Variants in MAPK6 observed in about 807,000 individuals in gnomAD.
MAPK6 encodes mitogen-activated protein kinase 6, also known as ERK-3.
A neutral mutation model predicts 59.3 loss-of-function variants in MAPK6; 19 were observed. The observed-to-expected ratio is 0.32, with a 90% CI of 0.22 to 0.47. The LOEUF is 0.47. Among genes scored for constraint, MAPK6 ranks in the 20% least tolerant of loss-of-function variants. The pLI is 1.00. For synonymous variants in MAPK6, 316 were observed against 290.3 expected (o/e 1.09, Z -0.90); for missense variants, 724 against 847.9 (o/e 0.85, Z 1.81).
At chr15:52,059,507 C>G (rs1166791057) in intron 4 of MAPK6, among the ~76,000 whole-genome samples, 1 of 152,124 alleles carries the variant, frequency 6.6e-6, no homozygotes, top group Non-Finnish European at 1.5e-5. Context: ...TCTGCATACC[C>G]TCTCTAAGGT....
At chr15:52,013,165 A>G (rs2030141354) in intron 3 of MAPK6, among the ~76,000 whole-genome samples, 3 of 149,522 alleles carry the variant, frequency 2.0e-5, no homozygotes, top group Non-Finnish European at 4.4e-5. Context: ...CTATAATCTA[A>G]ACCCACATCA....
intron 2 of MAPK6, chr15:52,004,123 G>A (rs961664965): frequency 6.6e-6 from 1 of 152,180 alleles, no homozygotes; most frequent in Non-Finnish European, 1.5e-5. Flanking sequence ...GTCTCATACT[G>A]GGATGAAGAT....
At chr15:51,976,841 A>G (rs746874937) in intron 1 of MAPK6, among the ~76,000 whole-genome samples, 3 of 151,506 alleles carry the variant, frequency 2.0e-5, no homozygotes, top group African/African-American at 4.8e-5. Context: ...CTACTCAGGA[A>G]GCTGAAGCAG....
chr15:51,999,079 T>C (rs890728829), intron 2 of MAPK6, among the ~76,000 whole-genome samples: 3 of 150,752 alleles, frequency 2.0e-5, no homozygotes, highest in Non-Finnish European at 4.4e-5. Context: ...CACTGCCGCC[T>C]CCACCTCCCG....
chr15:52,031,966 T>C (rs548956458), intron 1 of MAPK6, among the ~76,000 whole-genome samples: 1 of 152,118 alleles, frequency 6.6e-6, no homozygotes, highest in South Asian at 2.1e-4. Context: ...AGTGACACGA[T>C]CTCGGCTCAC....
rs539171348 is a variant in MAPK6, at chr15:51,981,173, A to G, written c.-879-2033A>G. On this transcript the variant is annotated intron_variant, in intron 1 of 7. Coordinates refer to the MAPK6 transcript ENST00000691380. ...TGGAAAAGGTTCCAATATGCTTCCT[A>G]TGAAAATTCAGACTTATCGGCCGGG... Among the ~76,000 whole-genome samples, 70 of 151,846 alleles carry G rather than the reference A, an allele frequency of 4.6e-4. 1 individual carries two copies. The highest frequency in any genetic ancestry group is 6.7e-4 in the African/African-American group (28 of 41,522).
intron 1 of MAPK6, among the ~76,000 whole-genome samples, chr15:52,040,573 C>G (rs1172365564): frequency 2.0e-5 from 3 of 152,162 alleles, no homozygotes; most frequent in African/African-American, 7.2e-5. Flanking sequence ...GGCCAAGTTG[C>G]TCCTTGATAA....
At chr15:52,023,245 C>T (rs1384677420) in intron 1 of MAPK6, among the ~76,000 whole-genome samples, 6 of 151,990 alleles carry the variant, frequency 3.9e-5, no homozygotes, top group African/African-American at 1.5e-4. Flanking sequence ...ACATTTGAAC[C>T]TTGTGTTACT....
At chr15:51,998,523 C>A (rs2057232377) in intron 2 of MAPK6, among the ~76,000 whole-genome samples, 1 of 133,382 alleles carries the variant, frequency 7.5e-6, no homozygotes. Context: ...TTTTTTTCTC[C>A]CCTCTCTCTT....
chr15:52,040,676 T>C (rs2031388829), intron 1 of MAPK6, among the ~76,000 whole-genome samples: 1 of 152,194 alleles, frequency 6.6e-6, no homozygotes, highest in South Asian at 2.1e-4. Flanking sequence ...TGACTCCCAG[T>C]ACCAGCATTA....
At chr15:52,033,856 A>G (rs1408399224) in intron 1 of MAPK6, 2 of 151,808 alleles carry the variant, frequency 1.3e-5, no homozygotes, top group African/African-American at 4.8e-5. Context: ...GGTACTTAAA[A>G]CATATTCTAT....
chr15:51,979,939 C>T (rs1427209767), intron 1 of MAPK6, among the ~76,000 whole-genome samples: 2 of 151,828 alleles, frequency 1.3e-5, no homozygotes, highest in African/African-American at 4.8e-5. Context: ...AGAAGAGAAA[C>T]ATTACTTTAC....
In MAPK6 at chr15:52,067,020, G is replaced by C. The variant is rs761739810; in HGVS notation, c.*2020G>C. The C allele has an allele frequency of 2.0e-5, 3 of 152,176 alleles. No individual in the cohort carries two copies. Among genetic ancestry groups the C allele is most frequent in the Admixed American group, 1.3e-4 (2 of 15,266 alleles). 9.4% of individuals were successfully genotyped at this position (152,176 alleles called of 1,614,324 possible). On this transcript the variant is annotated 3_prime_UTR_variant, in exon 6 of 6. Coordinates refer to ENST00000261845, the MANE Select transcript of MAPK6 (RefSeq NM_002748.4). ...GATGTAAAGGAAGCAACGGGCAGCA[G>C]ACATTGGTCCCTGATCCTCCATTAT...
At chr15:52,005,076 A>G (rs1467954393) in intron 3 of MAPK6, among the ~76,000 whole-genome samples, 1 of 152,174 alleles carries the variant, frequency 6.6e-6, no homozygotes, top group Non-Finnish European at 1.5e-5. Context: ...GCTACACTTT[A>G]AAAAATATCT....
chr15:52,024,113 C>T (rs2030657486), intron 1 of MAPK6, among the ~76,000 whole-genome samples: 1 of 152,118 alleles, frequency 6.6e-6, no homozygotes, highest in African/African-American at 2.4e-5. Context: ...AAAAGTCTGC[C>T]TCTGCAGAAA....
chr15:52,016,321 G>T (rs570961193), upstream of MAPK6, among the ~76,000 whole-genome samples: 1 of 148,106 alleles, frequency 6.8e-6, no homozygotes, highest in Admixed American at 6.7e-5. Context: ...CCCGGGAGGC[G>T]GAGGTTGCAG....
intron 2 of MAPK6, among the ~76,000 whole-genome samples, chr15:51,988,741 T>TACACACACAC (rs35976962): frequency 8.9e-5 from 13 of 145,698 alleles, no homozygotes; most frequent in African/African-American, 3.3e-4. Context: ...AAAAAAAAAA[T>TACACACACAC]ACACACACAC....
intron 3 of MAPK6, chr15:52,056,575 A>G (rs916847250): frequency 6.6e-6 from 1 of 151,900 alleles, no homozygotes; most frequent in Non-Finnish European, 1.5e-5. Context: ...TCCCTTGTCA[A>G]TTCTAAGTCC....
At chr15:52,057,574 T>C (rs1360129471) in intron 3 of MAPK6, among the ~76,000 whole-genome samples, 3 of 150,328 alleles carry the variant, frequency 2.0e-5, no homozygotes, top group African/African-American at 7.4e-5. Context: ...AAAAAAAATG[T>C]CTTATTGTTG....
Sources: allele counts gnomAD v4.1 joint callset (sites outside exome capture counted in the v4.1 genomes callset), GRCh38; gene constraint gnomAD v4.1.1; transcripts MANE v1.5; gene names NCBI Gene and HGNC (gene_info 2026-07-23, HGNC 2026-07-21).